INPPL1: variants seen among roughly 807,000 people sequenced by gnomAD.
INPPL1 encodes the protein phosphatidylinositol 3,4,5-trisphosphate 5-phosphatase 2.
Under a neutral mutation model 139.3 loss-of-function variants are expected in INPPL1, and 91 were observed. That is an observed-to-expected ratio of 0.65 (90% CI 0.55 to 0.78). The LOEUF is 0.78. INPPL1 is among the 30% of genes least tolerant of loss of function. The probability of loss-of-function intolerance (pLI) is 0.00; values close to 1 mark genes in which losing one functional copy is unlikely to be tolerated. For missense variants in INPPL1, 1,411 were observed against 1,665.6 expected, an observed-to-expected ratio of 0.85 and a Z score of 2.66; for synonymous variants, 719 against 686.6, an observed-to-expected ratio of 1.05 and a Z score of -0.74.
chr11:72,223,769 G>A, upstream of INPPL1: 1 of 151,544 alleles, frequency 6.6e-6, no homozygotes, highest in East Asian at 2.0e-4. Flanking sequence ...GTCACCCAGT[G>A]GGCCAGCGGC....
Position 72,234,156 on chromosome 11 carries a change from G to A in INPPL1, c.2213-125G>A. 1 of 706,040 alleles carries A rather than the reference G, an allele frequency of 1.4e-6. No individual in the cohort carries two copies. The highest frequency in any genetic ancestry group is 2.5e-6 in the Non-Finnish European group (1 of 403,064). 43.7% of individuals were successfully genotyped at this position (706,040 alleles called of 1,614,324 possible). A position where few individuals can be genotyped will look rare whatever the true frequency, so the allele number is the denominator to read the frequency against. On this transcript the variant is annotated intron_variant, in intron 19 of 27. Transcript: ENST00000298229. This position sits in a 1 kb window ranked among gnomAD's most constrained non-coding sequence, Gnocchi z 4.2. ...CTGTTGGTGGCTTGGGACTGGGGAG[G>A]CCCCTCCTGGCCCTGCCTCCTTGCT...
upstream of INPPL1, chr11:72,224,742 C>T (rs947360438): frequency 6.1e-6 from 1 of 162,956 alleles, no homozygotes; most frequent in African/African-American, 2.4e-5. Context: ...CCTGCCCCTC[C>T]CCCGCCGCCT....
Position 72,225,180 on chromosome 11 carries a change from G to C in INPPL1, c.182+14G>C. ...GCTCTGCGTCCTGTGAGTGGGGCGG[G>C]GGCTCCTTGCGGGCTGGCGTGGACC... On this transcript the variant is annotated intron_variant, in intron 1 of 27. Coordinates refer to ENST00000298229, the MANE Select transcript of INPPL1 (RefSeq NM_001567.4). 1 of 1,226,752 alleles carries C rather than the reference G, an allele frequency of 8.2e-7. No individual in the cohort carries two copies. Among genetic ancestry groups the C allele is most frequent in the African/African-American group, 1.6e-5 (1 of 64,432 alleles). 76.0% of individuals were successfully genotyped at this position (1,226,752 alleles called of 1,614,324 possible). A position where few individuals can be genotyped will look rare whatever the true frequency, so the allele number is the denominator to read the frequency against.
Position 72,238,341 on chromosome 11 carries a change from G to A in INPPL1, c.3765G>A (p.Gln1255=). The stretch of plus-strand genomic sequence containing the variant: ...AGCGCCTCCTTCTGGACACCCTGCA[G>A]CTCAGCAAGTGATAGCGGAGGCACC... The part of the protein sequence containing the change: ...AHKRLLLDTL[Q]LSK Residue 1255 remains glutamine (Q), a synonymous_variant, in exon 28 of 28, where the codon CAG becomes CAA. Coordinates refer to ENST00000298229, the MANE Select transcript of INPPL1 (RefSeq NM_001567.4). 2 of 1,559,898 alleles carry A rather than the reference G, an allele frequency of 1.3e-6. No homozygotes were observed. The highest frequency in any genetic ancestry group is 2.0e-5 in the Admixed American group (1 of 50,674).
In INPPL1 at chr11:72,238,543, GC is replaced by G. The variant is rs138633125; in HGVS notation, c.*194del. The stretch of plus-strand genomic sequence containing the variant: ...TGCAATGCCCTAATTAGGGCATCCT[GC>G]CCCTCGCCTTTTAGGCTCAGGACGG... On this transcript the variant is annotated 3_prime_UTR_variant, in exon 28 of 28. Coordinates refer to ENST00000298229, the MANE Select transcript of INPPL1 (RefSeq NM_001567.4). The G allele has an allele frequency of 2.9e-5, 14 of 479,568 alleles. No individual in the cohort carries two copies. The highest frequency in any genetic ancestry group is 4.7e-5 in the Non-Finnish European group (13 of 277,594). The allele number at this position is 479,568 out of a possible 1,614,324, so 29.7% of individuals were successfully genotyped here. A position where few individuals can be genotyped will look rare whatever the true frequency, so the allele number is the denominator to read the frequency against.
chr11:72,223,855 G>C (rs1172214275), upstream of INPPL1: 3 of 150,326 alleles, frequency 2.0e-5, no homozygotes, highest in Non-Finnish European at 4.5e-5. Flanking sequence ...CGCGGGGCGG[G>C]GCGGGCGGCG....
rs770698620 is a variant in INPPL1, at chr11:72,235,372, C to T, written c.2580C>T (p.Gly860=). 16 of 1,613,952 alleles carry T rather than the reference C, an allele frequency of 9.9e-6. No homozygotes were observed. The highest frequency in any genetic ancestry group is 1.6e-4 in the Middle Eastern group (1 of 6,084). Residue 860 remains glycine (G), a synonymous_variant, in exon 23 of 28, where the codon GGC becomes GGT. Coordinates refer to ENST00000298229, the MANE Select transcript of INPPL1 (RefSeq NM_001567.4). The surrounding 1 kb of genome is among the most constrained non-coding windows in gnomAD (Gnocchi z 4.9). ...QQFLTFLSHR[G]EETGNIRGSM... is the part of the protein sequence containing the mutation. ...TCCTGACCTTCCTATCCCACCGTGG[C>T]GAGGAGACAGGCAATATCAGAGGCT...
rs1264497914 is a variant in INPPL1, at chr11:72,239,022, C to G, written c.*669C>G. The G allele has an allele frequency of 6.6e-6, 1 of 152,446 alleles. No individual in the cohort carries two copies. Among genetic ancestry groups the G allele is most frequent in the Non-Finnish European group, 1.5e-5 (1 of 68,166 alleles). 9.4% of individuals were successfully genotyped at this position (152,446 alleles called of 1,614,324 possible). On this transcript the variant is annotated 3_prime_UTR_variant, in exon 28 of 28. Transcript: ENST00000298229. ...AGGGAGGTTCCTCGCAGGTCTCAGC[C>G]CGGGACAGGGTCTTGCAAGCAGCCT...
Position 72,228,109 on chromosome 11 carries a change from C to T in INPPL1, c.183-81C>T, listed in dbSNP as rs746671521. On this transcript the variant is annotated intron_variant, in intron 1 of 27. Coordinates refer to ENST00000298229, the MANE Select transcript of INPPL1 (RefSeq NM_001567.4). This position sits in a 1 kb window ranked among gnomAD's most constrained non-coding sequence, Gnocchi z 5.0. ...AAGCTGAGGGGGTTGGGGTGCTGAG[C>T]TTGCTGGCAGGAGGAAGGGGTGCTT... is the stretch of plus-strand genomic sequence containing the variant. 29 of 1,491,326 alleles carry T rather than the reference C, an allele frequency of 1.9e-5. No homozygotes were observed. Among genetic ancestry groups the T allele is most frequent in the Non-Finnish European group, 2.6e-5 (28 of 1,069,846 alleles). 92.4% of individuals were successfully genotyped at this position (1,491,326 alleles called of 1,614,324 possible).
upstream of INPPL1, among the ~76,000 whole-genome samples, chr11:72,224,370 G>T (rs1208867072): frequency 6.6e-6 from 1 of 151,912 alleles, no homozygotes. Flanking sequence ...TCGCAGGTTT[G>T]GGGAACTCGA....
At chr11:72,236,266 A>G (rs887407178) in intron 25 of INPPL1, among the ~76,000 whole-genome samples, 1 of 152,248 alleles carries the variant, frequency 6.6e-6, no homozygotes, top group Admixed American at 6.5e-5. Flanking sequence ...AAACAGACCT[A>G]GCTTGAGCCT....
chr11:72,232,551 C>T (rs1194144496), intron 14 of INPPL1, 75 bp from the exon 15 acceptor site: 7 of 1,552,718 alleles, frequency 4.5e-6, no homozygotes, highest in Admixed American at 1.8e-5. Flanking sequence ...AGACTTCTTC[C>T]CTTTATGCCT....
Position 72,239,086 on chromosome 11 carries a change from T to C in INPPL1, c.*733T>C, listed in dbSNP as rs942068785. 3 of 152,160 alleles carry C rather than the reference T, an allele frequency of 2.0e-5. No individual in the cohort carries two copies. The highest frequency in any genetic ancestry group is 7.2e-5 in the African/African-American group (3 of 41,404). The allele number at this position is 152,160 out of a possible 1,614,324, so 9.4% of individuals were successfully genotyped here. ...AAGGGTTGCGGCGTGATGTCTTCAA[T>C]AAATTAAGTTTTATTTGGATTGAGT... On this transcript the variant is annotated 3_prime_UTR_variant, in exon 28 of 28. Coordinates refer to ENST00000298229, the MANE Select transcript of INPPL1 (RefSeq NM_001567.4).
At chr11:72,232,584 C>T (rs374372889) in intron 14 of INPPL1, 42 bp from the exon 15 acceptor site, 3 of 1,605,694 alleles carry the variant, frequency 1.9e-6, no homozygotes, top group Non-Finnish European at 2.6e-6. Context: ...TGGCCCTGAC[C>T]CTGGGGATCT....
intron 19 of INPPL1, 109 bp downstream of exon 19, chr11:72,233,853 T>A: frequency 2.4e-6 from 2 of 843,346 alleles, no homozygotes; most frequent in Non-Finnish European, 4.0e-6. Context: ...TGGGTGTGTG[T>A]ACCAGTGAGT....
rs1004063500 is a variant in INPPL1 at position 72,229,311 on chromosome 11, T to G, written c.659+81T>G. On this transcript the variant is annotated intron_variant, in intron 5 of 27. Coordinates refer to ENST00000298229, the MANE Select transcript of INPPL1 (RefSeq NM_001567.4). Reference sequence around the variant, plus strand: ...CTGCTTCCCGGCTGCACAGGTGCCCTGATCTCTGATCCTGAACAGTGAACT... The same window carrying G: ...CTGCTTCCCGGCTGCACAGGTGCCCGGATCTCTGATCCTGAACAGTGAACT... 13 of 1,461,222 alleles carry G rather than the reference T, an allele frequency of 8.9e-6. No homozygotes were observed. The Middle Eastern group carries it at 1.8e-3, about 200-fold the overall frequency. 90.5% of individuals were successfully genotyped at this position (1,461,222 alleles called of 1,614,324 possible). A position where few individuals can be genotyped will look rare whatever the true frequency, so the allele number is the denominator to read the frequency against.
chr11:72,230,972 C>A, intron 11 of INPPL1, 21 bp from the exon 12 acceptor site: 1 of 1,611,972 alleles, frequency 6.2e-7, no homozygotes, highest in Non-Finnish European at 8.5e-7. Context: ...TCCAGACCCA[C>A]CTCACCCCCT....
At chr11:72,229,899 C>T in intron 7 of INPPL1, 25 bp from the exon 8 acceptor site, 1 of 1,609,776 alleles carries the variant, frequency 6.2e-7, no homozygotes. Context: ...GTCCCCTGAC[C>T]CCGCCCTGCC....
intron 17 of INPPL1, 78 bp downstream of exon 17, chr11:72,233,241 C>A: frequency 1.5e-6 from 2 of 1,300,576 alleles, no homozygotes; most frequent in Non-Finnish European, 2.2e-6. Context: ...AGGGTATGGG[C>A]CTCTGCAGCT....
Sources: gnomAD v4.1 joint callset for allele counts (sites outside exome capture counted in the v4.1 genomes callset) on GRCh38, gnomAD v4.1.1 for gene constraint, Gnocchi (gnomAD v3.1) non-coding constraint, MANE v1.5 for transcripts, NCBI Gene and HGNC (gene_info 2026-07-23, HGNC 2026-07-21) for gene names.